The following ARHGAP21 variants were observed in gnomAD, a reference collection of about 807,000 sequenced individuals.
ARHGAP21 encodes Rho GTPase activating protein 21.
ARHGAP21 carries 38 observed loss-of-function variants against 164.6 expected under a neutral mutation model. The ratio of observed to expected loss-of-function variants is 0.23; its 90% CI spans 0.18 to 0.30. The LOEUF is 0.30. Ranked by LOEUF, ARHGAP21 falls within the 10% of genes least tolerant of loss-of-function variation. The pLI is 1.00. For synonymous variants in ARHGAP21, 766 were observed against 857.9 expected, an observed-to-expected ratio of 0.89 and a Z score of 1.87; for missense variants, 1,822 against 2,370.7, an observed-to-expected ratio of 0.77 and a Z score of 4.81.
At chr10:24,641,359 T>A (rs1304009643) in intron 4 of ARHGAP21, among the ~76,000 whole-genome samples, 1 of 152,180 alleles carries the variant, frequency 6.6e-6, no homozygotes, top group Non-Finnish European at 1.5e-5. Context: ...AATTTAGGTG[T>A]TCCCCAAATT....
chr10:24,606,026 T>C lies in ARHGAP21; in HGVS notation c.2684+1473A>G, dbSNP rs760019212. Among the ~76,000 whole-genome samples, 113 of 152,316 alleles carry C rather than the reference T, an allele frequency of 7.4e-4. 1 individual carries two copies. Among genetic ancestry groups the C allele is most frequent in the Non-Finnish European group, 5.9e-4 (40 of 68,018 alleles). The stretch of plus-strand genomic sequence containing the variant: ...AAGGATGACATTCAACAGGTACTTT[T>C]GGGACAATAGAGATATTAGAAAATG... On this transcript the variant is annotated intron_variant, in intron 11 of 25. Coordinates refer to ENST00000396432, the MANE Select transcript of ARHGAP21 (RefSeq NM_020824.4).
chr10:24,669,652 A>G (rs1840513175), intron 3 of ARHGAP21, among the ~76,000 whole-genome samples: 1 of 152,230 alleles, frequency 6.6e-6, no homozygotes, highest in African/African-American at 2.4e-5. Flanking sequence ...ACGAATGGTA[A>G]GGAACACAGA....
intron 7 of ARHGAP21, chr10:24,629,151 A>G (rs1170385756): frequency 6.7e-6 from 1 of 149,228 alleles, no homozygotes; most frequent in Non-Finnish European, 1.5e-5. Flanking sequence ...GCCCACCACA[A>G]TGCCCAGCTA....
intron 4 of ARHGAP21, among the ~76,000 whole-genome samples, chr10:24,636,387 T>C (rs891861958): frequency 6.6e-6 from 1 of 152,186 alleles, no homozygotes; most frequent in Non-Finnish European, 1.5e-5. Flanking sequence ...CTAGATCTCC[T>C]GAATCAGAAA....
chr10:24,628,704 C>A (rs1835380567), intron 7 of ARHGAP21, among the ~76,000 whole-genome samples: 1 of 150,736 alleles, frequency 6.6e-6, no homozygotes, highest in Non-Finnish European at 1.5e-5. Context: ...TTTTATTCTA[C>A]AGAACTGCAA....
intron 6 of ARHGAP21, among the ~76,000 whole-genome samples, chr10:24,631,137 G>A (rs1835814966): frequency 6.6e-6 from 1 of 152,310 alleles, no homozygotes; most frequent in South Asian, 2.1e-4. Flanking sequence ...GCCAAGGTGG[G>A]TGGATCACTT....
chr10:24,627,918 G>C (rs1835300703), intron 7 of ARHGAP21, among the ~76,000 whole-genome samples: 1 of 152,116 alleles, frequency 6.6e-6, no homozygotes, highest in Non-Finnish European at 1.5e-5. Context: ...ACTGTTCCAA[G>C]AGCCATCCAA....
intron 2 of ARHGAP21, among the ~76,000 whole-genome samples, chr10:24,694,088 G>T (rs1400847815): frequency 6.6e-6 from 1 of 152,114 alleles, no homozygotes; most frequent in Non-Finnish European, 1.5e-5. Context: ...ACACCAAGCT[G>T]GGATCTAAAT....
intron 3 of ARHGAP21, 111 bp downstream of exon 3, chr10:24,670,107 G>A: frequency 3.1e-6 from 2 of 639,526 alleles, no homozygotes; most frequent in Non-Finnish European, 4.8e-6. Context: ...TGTAATGCTT[G>A]ATTCTTTTAA....
chr10:24,604,533 A>ATT (rs1436235801), intron 11 of ARHGAP21, among the ~76,000 whole-genome samples, 185 bp from the exon 12 acceptor site: 1 of 152,228 alleles, frequency 6.6e-6, no homozygotes, highest in African/African-American at 2.4e-5. Flanking sequence ...GTTCCACCTA[A>ATT]TAATTAAAAC....
intron 7 of ARHGAP21, chr10:24,628,906 C>A (rs1252130056): frequency 1.6e-5 from 1 of 62,310 alleles, no homozygotes; most frequent in Non-Finnish European, 3.2e-5. Flanking sequence ...TACATATATA[C>A]ACATATATAC....
At chr10:24,661,557 C>A (rs1335615853) in intron 4 of ARHGAP21, among the ~76,000 whole-genome samples, 1 of 152,192 alleles carries the variant, frequency 6.6e-6, no homozygotes, top group Non-Finnish European at 1.5e-5. Context: ...TTAACAGCAT[C>A]TCTTAGGAGT....
Position 24,620,544 on chromosome 10 carries a change from C to A in ARHGAP21, c.1351G>T (p.Val451Phe), listed in dbSNP as rs988904624. ...STSHDRVPQS[V>F]QIRQRSVSQE... Reference sequence around the variant, plus strand: ...GACACACTGCGTTGCCGTATCTGGACAGACTGGGGCACTCGATCATGAGAG... The same window carrying A: ...GACACACTGCGTTGCCGTATCTGGAAAGACTGGGGCACTCGATCATGAGAG... The change falls in exon 9 of 26, where the codon GTC becomes TTC. Residue 451 changes from valine to phenylalanine, a missense_variant. By Grantham distance (50) the Val-to-Phe change is conservative. Transcript: ENST00000396432. 3 of 1,613,738 alleles carry A rather than the reference C, an allele frequency of 1.9e-6. No homozygotes were observed. In the Admixed American group the frequency reaches 5.0e-5, roughly 27 times the overall value.
intron 7 of ARHGAP21, among the ~76,000 whole-genome samples, chr10:24,627,053 T>C (rs569919137): frequency 6.6e-6 from 1 of 152,166 alleles, no homozygotes; most frequent in African/African-American, 2.4e-5. Flanking sequence ...ACGAGTCAAA[T>C]TTTAAGCCAA....
chr10:24,624,337 C>CTTTTTTTTTT lies in ARHGAP21; in HGVS notation c.496-1585_496-1576dup, dbSNP rs565872094. Among the ~76,000 whole-genome samples, 652 of 102,836 alleles carry CTTTTTTTTTT rather than the reference C, an allele frequency of 6.3e-3. 76 individuals carry two copies. Among genetic ancestry groups the CTTTTTTTTTT allele is most frequent in the African/African-American group, 0.019 (487 of 25,232 alleles). 67.5% of individuals were successfully genotyped at this position (102,836 alleles called of 152,430 possible). ...CTGCCTGGGAAATGCTGTTCTAGAA[C>CTTTTTTTTTT]TTTTTTTTTTTTTTTTTTTTGAGAC... On this transcript the variant is annotated intron_variant, in intron 7 of 25. Transcript: ENST00000396432.
At chr10:24,628,984 T>TATATATA (rs59168164) in intron 7 of ARHGAP21, 7 of 12,938 alleles carry the variant, frequency 5.4e-4, no homozygotes, top group African/African-American at 1.2e-3. Flanking sequence ...ATATATATAT[T>TATATATA]TTTTTTTTTT....
chr10:24,586,006 G>A lies in ARHGAP21; in HGVS notation c.4283C>T (p.Ala1428Val). 1 of 1,614,106 alleles carries A rather than the reference G, an allele frequency of 6.2e-7. No individual in the cohort carries two copies. Among genetic ancestry groups the A allele is most frequent in the Non-Finnish European group, 8.5e-7 (1 of 1,180,026 alleles). The change falls in exon 26 of 26, where the codon GCA (alanine) becomes GTA (valine). Residue 1428 changes from alanine to valine, a missense_variant. By Grantham distance (64) the Ala-to-Val change is moderately conservative. Transcript: ENST00000396432. ...TTCATCTTCTGAGCTGCTAGGCTGTGCTTTTTCTTTCGGCTTCTTCCTCTT... is the reference window on the plus strand; with the variant it reads ...TTCATCTTCTGAGCTGCTAGGCTGTACTTTTTCTTTCGGCTTCTTCCTCTT... Reference protein sequence around the residue: ...SRKRKKPKEKAQPSSSEDELD... With the variant: ...SRKRKKPKEKVQPSSSEDELD...
In ARHGAP21 at chr10:24,607,838, C is replaced by T; in HGVS notation, c.2488G>A (p.Ala830Thr). The T allele has an allele frequency of 6.2e-7, 1 of 1,613,996 alleles. No individual in the cohort carries two copies. Among genetic ancestry groups the T allele is most frequent in the Non-Finnish European group, 8.5e-7 (1 of 1,179,964 alleles). ...AHIPASAVIS[A>T]STSQVPSIAT... ...ATGGAGGGGACCTGAGAGGTAGAGG[C>T]TGATATAACAGCAGAGGCAGGGATA... is the stretch of plus-strand genomic sequence containing the variant. Residue 830 changes from alanine (A) to threonine (T), a missense_variant, in exon 10 of 26, where the codon GCC becomes ACC. By Grantham distance (58) the Ala-to-Thr change is moderately conservative. This residue lies in a region of ARHGAP21 where 1,090 missense variants were observed against 1,378.9 expected (regional missense o/e 0.79). Coordinates refer to ENST00000396432, the MANE Select transcript of ARHGAP21 (RefSeq NM_020824.4).
At chr10:24,642,021 C>A (rs545746937) in intron 4 of ARHGAP21, among the ~76,000 whole-genome samples, 1 of 151,324 alleles carries the variant, frequency 6.6e-6, no homozygotes, top group East Asian at 2.0e-4. Flanking sequence ...AAAGTTTTAC[C>A]GTGGAAATGT....
Sources: gnomAD v4.1 joint callset for allele counts (sites outside exome capture counted in the v4.1 genomes callset) on GRCh38, gnomAD v4.1.1 for gene constraint, gnomAD v4.1.1 regional missense constraint, MANE v1.5 for transcripts, NCBI Gene and HGNC (gene_info 2026-07-23, HGNC 2026-07-21) for gene names.